Variants in STT3B observed in about 807,000 individuals in gnomAD.
STT3B encodes STT3 oligosaccharyltransferase complex catalytic subunit B, also known as dolichyl-diphosphooligosaccharide--protein glycosyltransferase subunit STT3B.
STT3B carries 29 observed loss-of-function variants against 96.8 expected under a neutral mutation model. The observed-to-expected ratio is 0.30, with a 90% CI of 0.22 to 0.41. The LOEUF is 0.41. Among genes scored for constraint, STT3B ranks in the 10% least tolerant of loss-of-function variants. STT3B has a pLI of 1.00. For synonymous variants in STT3B, 367 were observed against 360.0 expected (o/e 1.02, Z -0.22); for missense variants, 640 against 1,022.3 (o/e 0.63, Z 5.10).
chr3:31,534,330 CTGTGA>C (rs1697029892), intron 1 of STT3B, among the ~76,000 whole-genome samples: 1 of 152,192 alleles, frequency 6.6e-6, no homozygotes, highest in Non-Finnish European at 1.5e-5. Context: ...CTACATTGGT[CTGTGA>C]ATTATCTAGA....
intron 1 of STT3B, among the ~76,000 whole-genome samples, chr3:31,541,919 G>A (rs994014552): frequency 3.3e-5 from 5 of 152,144 alleles, no homozygotes; most frequent in African/African-American, 4.8e-5. Flanking sequence ...TTCACCTGAC[G>A]GGGTTGCCTG....
rs1207139552 is a variant in STT3B at position 31,579,574 on chromosome 3, GT to G, written c.424-232del. On this transcript the variant is annotated intron_variant, in intron 2 of 15. Coordinates refer to ENST00000295770, the MANE Select transcript of STT3B (RefSeq NM_178862.3). ...AACATTTTGAATTTTAATCATTCTT[GT>G]TTCATATTCTCCCTGATCTTTTTAT... 5.6e-5 allele frequency among the ~76,000 whole-genome samples: 8 copies of G among 142,012 alleles called. No individual in the cohort carries two copies. In the South Asian group the frequency reaches 1.8e-3, roughly 32 times the overall value. The allele number at this position is 142,012 out of a possible 152,430, so 93.2% of individuals were successfully genotyped here.
chr3:31,591,064 A>G (rs549353819), intron 3 of STT3B, among the ~76,000 whole-genome samples: 17 of 152,206 alleles, frequency 1.1e-4, no homozygotes, highest in Admixed American at 2.0e-4. Flanking sequence ...ATCTTCAACA[A>G]TATGGTTGGA....
chr3:31,630,341 A>G (rs967467048), intron 14 of STT3B, among the ~76,000 whole-genome samples: 5 of 152,126 alleles, frequency 3.3e-5, no homozygotes, highest in Non-Finnish European at 5.9e-5. Flanking sequence ...TTTCTCCCAT[A>G]TATGTACCCT....
chr3:31,558,877 T>C (rs533533510), intron 1 of STT3B, among the ~76,000 whole-genome samples: 1 of 145,858 alleles, frequency 6.9e-6, no homozygotes, highest in Non-Finnish European at 1.5e-5. Context: ...TTTTTTTTTT[T>C]AATTTATTCT....
At chr3:31,596,728 T>C in intron 3 of STT3B, 70 bp from the exon 4 acceptor site, 1 of 1,250,044 alleles carries the variant, frequency 8.0e-7, no homozygotes, top group Non-Finnish European at 1.2e-6. Flanking sequence ...TTACCAAACA[T>C]TTAACTTTTA....
chr3:31,609,866 C>T lies in STT3B; in HGVS notation c.878-5239C>T, dbSNP rs75385045. 5.9e-3 allele frequency among the ~76,000 whole-genome samples: 903 copies of T among 152,232 alleles called. 7 individuals carry two copies. Among genetic ancestry groups the T allele is most frequent in the African/African-American group, 0.021 (857 of 41,552 alleles). On this transcript the variant is annotated intron_variant, in intron 5 of 15. Coordinates refer to ENST00000295770, the MANE Select transcript of STT3B (RefSeq NM_178862.3). ...GCGTGAACCACCACACCCGGCCACA[C>T]TTGCTGTTTTAAAAATGTTGTGATT... is the stretch of plus-strand genomic sequence containing the variant.
At chr3:31,634,606 G>A (rs1055202503) in intron 15 of STT3B, among the ~76,000 whole-genome samples, 1 of 152,054 alleles carries the variant, frequency 6.6e-6, no homozygotes, top group Non-Finnish European at 1.5e-5. Flanking sequence ...GGAGGAGGAG[G>A]GTATACATAA....
chr3:31,613,463 G>C (rs781014189), intron 5 of STT3B, among the ~76,000 whole-genome samples: 1 of 152,002 alleles, frequency 6.6e-6, no homozygotes, highest in Non-Finnish European at 1.5e-5. Context: ...GTTTGTCTAG[G>C]ATTTGACTTC....
In STT3B at chr3:31,633,163, A is replaced by G. The variant is rs1172724692; in HGVS notation, c.2400+16A>G. 8.7e-6 allele frequency: 14 copies of G among 1,607,386 alleles called. No individual in the cohort carries two copies. Among genetic ancestry groups the G allele is most frequent in the Non-Finnish European group, 1.2e-5 (14 of 1,175,818 alleles). On this transcript the variant is annotated intron_variant, in intron 15 of 15. Coordinates refer to ENST00000295770, the MANE Select transcript of STT3B (RefSeq NM_178862.3). ...GTCAAAGAAGGTGGGTGCCAAGTGA[A>G]GGCATTAAAGGGTAACTTAAGGTGT...
At chr3:31,544,046 T>TA (rs1159735300) in intron 1 of STT3B, among the ~76,000 whole-genome samples, 1 of 152,242 alleles carries the variant, frequency 6.6e-6, no homozygotes, top group Non-Finnish European at 1.5e-5. Context: ...TATATTCTGA[T>TA]ACGAAGGAAT....
chr3:31,546,238 T>C (rs769469620), intron 1 of STT3B, among the ~76,000 whole-genome samples: 2 of 152,168 alleles, frequency 1.3e-5, no homozygotes. Flanking sequence ...CACAATTTTG[T>C]GGGTTGAGTG....
chr3:31,632,674 T>G (rs1294650160), intron 14 of STT3B, among the ~76,000 whole-genome samples: 10 of 151,002 alleles, frequency 6.6e-5, no homozygotes, highest in South Asian at 2.1e-4. Flanking sequence ...GGTGGGTTTT[T>G]TTTTTTTTTT....
At chr3:31,549,312 G>C (rs1697493906) in intron 1 of STT3B, among the ~76,000 whole-genome samples, 1 of 138,534 alleles carries the variant, frequency 7.2e-6, no homozygotes, top group Admixed American at 7.1e-5. Flanking sequence ...CATCCCCCCT[G>C]ATTCTCCTGA....
intron 5 of STT3B, among the ~76,000 whole-genome samples, chr3:31,604,584 G>A (rs1395822742): frequency 6.6e-6 from 1 of 152,104 alleles, no homozygotes; most frequent in Non-Finnish European, 1.5e-5. Flanking sequence ...ATACTGTTTT[G>A]TGCTAGCCAT....
intron 1 of STT3B, among the ~76,000 whole-genome samples, chr3:31,534,400 T>A (rs561875765): frequency 6.6e-6 from 1 of 152,332 alleles, no homozygotes; most frequent in East Asian, 1.9e-4. Flanking sequence ...AGTTAGGATT[T>A]TTCCCCCTGA....
At position 31,567,020 on chromosome 3, in the gene STT3B, G is replaced by A. The variant is rs143922135; in HGVS notation, c.315-9376G>A. Among the ~76,000 whole-genome samples the A allele has an allele frequency of 1.2e-3, 187 of 152,266 alleles. 1 individual carries two copies. Among genetic ancestry groups the A allele is most frequent in the Middle Eastern group, 6.8e-3 (2 of 292 alleles). ...GCACATTTTTCTAATATCTTGTCAT[G>A]CAAGACTTCCTGGGATTCTCTTAAA... On this transcript the variant is annotated intron_variant, in intron 1 of 15. Transcript: ENST00000295770.
At chr3:31,577,041 G>C (rs1440843778) in intron 2 of STT3B, among the ~76,000 whole-genome samples, 2 of 152,052 alleles carry the variant, frequency 1.3e-5, no homozygotes, top group Non-Finnish European at 2.9e-5. Context: ...AGAAATGAAG[G>C]TGAAAGACAA....
intron 5 of STT3B, 26 bp from the exon 6 acceptor site, chr3:31,615,079 C>T: frequency 7.0e-7 from 1 of 1,432,366 alleles, no homozygotes; most frequent in East Asian, 2.3e-5. Flanking sequence ...AGTAAATTAT[C>T]CTTGTTTCCT....
Sources: gnomAD v4.1 joint callset for allele counts (sites outside exome capture counted in the v4.1 genomes callset) on GRCh38, gnomAD v4.1.1 for gene constraint, MANE v1.5 for transcripts, NCBI Gene and HGNC (gene_info 2026-07-23, HGNC 2026-07-21) for gene names.